Variants in NLRX1 observed in about 807,000 individuals in gnomAD.
NLRX1 encodes NOD-like receptor X1.
NLRX1 carries 67 observed loss-of-function variants against 74.2 expected under a neutral mutation model. The ratio of observed to expected loss-of-function variants is 0.90; its 90% confidence interval spans 0.74 to 1.11. NLRX1 has a LOEUF of 1.11. Among genes scored for constraint, NLRX1 ranks in the 50% least tolerant of loss-of-function variants. The pLI is 0.00. For synonymous variants in NLRX1, 506 were observed against 559.1 expected, an observed-to-expected ratio of 0.91 and a Z score of 1.34; for missense variants, 1,191 against 1,305.4, an observed-to-expected ratio of 0.91 and a Z score of 1.35.
rs538967056 is a variant in NLRX1 at position 119,181,178 on chromosome 11, CT to C, written c.2276del (p.Leu759ProfsTer33). 309 of 1,613,682 alleles carry C rather than the reference CT, an allele frequency of 1.9e-4. 2 individuals are homozygous for C. In the South Asian group the frequency reaches 3.3e-3, roughly 17 times the overall value. ...FLRARKLGLQ[L>X]NSLGPEACKD... ...GGCCACCTTCTGCTCCAGCTTGCAA[CT>C]CAACAGCCTGGGCCCTGAGGCCTGC... On this transcript the variant is annotated frameshift_variant, in exon 8 of 10. Transcript: ENST00000409109. LOFTEE classifies it high-confidence loss of function.
chr11:119,173,212 T>C lies in NLRX1; in HGVS notation c.229+223T>C. 1 of 613,836 alleles carries C rather than the reference T, an allele frequency of 1.6e-6. No homozygotes were observed. Among genetic ancestry groups the C allele is most frequent in the African/African-American group, 1.8e-5 (1 of 54,184 alleles). 38.0% of individuals were successfully genotyped at this position (613,836 alleles called of 1,614,324 possible). A position where few individuals can be genotyped will look rare whatever the true frequency, so the allele number is the denominator to read the frequency against. ...CGCTAGGAGAGCCATACCATCCCTA[T>C]GCTCAACAAAGTTGGGTCAAGCAGG... On this transcript the variant is annotated intron_variant, in intron 4 of 9. Coordinates refer to ENST00000409109, the MANE Select transcript of NLRX1 (RefSeq NM_001282144.2). This position sits in a 1 kb window ranked among gnomAD's most constrained non-coding sequence, Gnocchi z 4.0.
chr11:119,183,115 C>T lies in NLRX1; in HGVS notation c.2607-3C>T, dbSNP rs377642014. 2.3e-5 allele frequency: 37 copies of T among 1,613,372 alleles called. No individual in the cohort carries two copies. In the African/African-American group the frequency reaches 4.8e-4, roughly 21 times the overall value. The stretch of plus-strand genomic sequence containing the variant: ...ATGGCATCGACTTTCTCTCTCCTGC[C>T]AGCCTCTACTTCAATGAGCTGAGCT... On this transcript the variant is annotated splice_region_variant and splice_polypyrimidine_tract_variant and intron_variant, in intron 9 of 9. Coordinates refer to ENST00000409109, the MANE Select transcript of NLRX1 (RefSeq NM_001282144.2). This position sits in a 1 kb window ranked among gnomAD's most constrained non-coding sequence, Gnocchi z 5.7.
rs149322072 is a variant in NLRX1, at chr11:119,173,804, T to C, written c.555T>C (p.Tyr185=). The change falls in exon 5 of 10, where the codon TAT becomes TAC. Residue 185 remains tyrosine, a synonymous_variant. Transcript: ENST00000409109. This position sits in a 1 kb window ranked among gnomAD's most constrained non-coding sequence, Gnocchi z 4.0. ...LVRKMVLDWC[Y]GRLPAFELLI... Reference sequence around the variant, plus strand: ...GCAAGATGGTTCTGGACTGGTGTTATGGGCGGCTGCCGGCCTTCGAGCTGC... The same window carrying C: ...GCAAGATGGTTCTGGACTGGTGTTACGGGCGGCTGCCGGCCTTCGAGCTGC... The C allele has an allele frequency of 3.6e-5, 58 of 1,613,610 alleles. No individual in the cohort carries two copies. In the African/African-American group the frequency reaches 4.4e-4, roughly 12 times the overall value.
chr11:119,174,877 C>G lies in NLRX1; in HGVS notation c.1274C>G (p.Ala425Gly), dbSNP rs1185080412. The G allele has an allele frequency of 6.2e-7, 1 of 1,613,964 alleles. No individual in the cohort carries two copies. The highest frequency in any genetic ancestry group is 1.3e-5 in the African/African-American group (1 of 74,948). The change falls in exon 6 of 10, where the codon GCA becomes GGA. Residue 425 changes from alanine to glycine, a missense_variant. By Grantham distance (60) the Ala-to-Gly change is moderately conservative. Transcript: ENST00000409109. ...DPSNLSLMAY[A>G]ARTMGKLAYE... Reference sequence around the variant, plus strand: ...TCCAATTTGTCCCTGATGGCCTATGCAGCCCGAACCATGGGCAAGTTGGCC... The same window carrying G: ...TCCAATTTGTCCCTGATGGCCTATGGAGCCCGAACCATGGGCAAGTTGGCC...
In NLRX1 at chr11:119,173,740, T is replaced by C. The variant is rs749595900; in HGVS notation, c.491T>C (p.Leu164Pro). ...ACGRRVQTVVLYGTVGTGKST... is the reference protein window; with the variant it reads ...ACGRRVQTVVPYGTVGTGKST... ...GGGCGCCGGGTGCAGACAGTGGTGCTGTATGGGACAGTGGGCACAGGCAAG... is the reference window on the plus strand; with the variant it reads ...GGGCGCCGGGTGCAGACAGTGGTGCCGTATGGGACAGTGGGCACAGGCAAG... Residue 164 changes from leucine to proline, a missense_variant, in exon 5 of 10, where the codon CTG (leucine) becomes CCG (proline). Coordinates refer to ENST00000409109, the MANE Select transcript of NLRX1 (RefSeq NM_001282144.2). The surrounding 1 kb of genome is among the most constrained non-coding windows in gnomAD (Gnocchi z 4.0). The C allele has an allele frequency of 3.1e-6, 5 of 1,613,900 alleles. No individual in the cohort carries two copies. In the Admixed American group the frequency reaches 6.7e-5, roughly 22 times the overall value.
In NLRX1 at chr11:119,175,285, G is replaced by A. The variant is rs752902458; in HGVS notation, c.1671+11G>A. On this transcript the variant is annotated intron_variant, in intron 6 of 9. Transcript: ENST00000409109. ...TTCAACCTGATCAAGGTAACATCCC[G>A]ATCAAGGTAACCCCCCAACCTGCTC... 9 of 1,605,194 alleles carry A rather than the reference G, an allele frequency of 5.6e-6. No homozygotes were observed. Among genetic ancestry groups the A allele is most frequent in the African/African-American group, 1.3e-5 (1 of 74,846 alleles).
intron 6 of NLRX1, among the ~76,000 whole-genome samples, chr11:119,179,141 T>C (rs1948764545): frequency 6.6e-6 from 1 of 152,188 alleles, no homozygotes; most frequent in Non-Finnish European, 1.5e-5. Context: ...AGGAACTGCA[T>C]GTTGAAGATG....
rs748745248 is a variant in NLRX1, at chr11:119,172,337, T to G, written c.71-19T>G. On this transcript the variant is annotated intron_variant, in intron 2 of 9. Transcript: ENST00000409109. ...ATTGCATGGGATCTGCAGATGCTAT[T>G]TCTTCCTTCTCTCTGTAGATGATCG... is the stretch of plus-strand genomic sequence containing the variant. The G allele has an allele frequency of 6.3e-7, 1 of 1,599,598 alleles. No homozygotes were observed. Among genetic ancestry groups the G allele is most frequent in the South Asian group, 1.1e-5 (1 of 90,802 alleles).
rs1343476627 is a variant in NLRX1 at position 119,172,559 on chromosome 11, G to A, written c.140+134G>A. On this transcript the variant is annotated intron_variant, in intron 3 of 9. Coordinates refer to ENST00000409109, the MANE Select transcript of NLRX1 (RefSeq NM_001282144.2). ...TTGGTCCTTTGGGGGTGGGAGGACA[G>A]TGGCAGCTCCAAGGCCTGAGAGGAA... The A allele has an allele frequency of 1.7e-5, 12 of 697,160 alleles. No homozygotes were observed. In the East Asian group the frequency reaches 2.3e-4, roughly 13 times the overall value. The allele number at this position is 697,160 out of a possible 1,614,324, so 43.2% of individuals were successfully genotyped here.
intron 1 of NLRX1, among the ~76,000 whole-genome samples, 166 bp downstream of exon 1, chr11:119,169,468 C>T (rs1948487130): frequency 6.6e-6 from 1 of 152,190 alleles, no homozygotes; most frequent in Admixed American, 6.5e-5. Flanking sequence ...CTCTCTTAAC[C>T]CTTCCGCAGC....
At position 119,174,934 on chromosome 11, in the gene NLRX1, T is replaced by G. The variant is rs774040259; in HGVS notation, c.1331T>G (p.Phe444Cys). The G allele has an allele frequency of 1.1e-5, 17 of 1,613,862 alleles. No homozygotes were observed. The East Asian group carries it at 3.6e-4, about 34-fold the overall frequency. The change falls in exon 6 of 10, where the codon TTC becomes TGC. Residue 444 changes from phenylalanine (F) to cysteine (C), a missense_variant. Physicochemically the swap from Phe to Cys is radical, Grantham distance 205. Transcript: ENST00000409109. ...GGGGTGTCCTCCCGCAAGACCTACT[T>G]CTCTGAAGAGGATGTCTGTGGCTGC... ...YEGVSSRKTY[F>C]SEEDVCGCLE...
At chr11:119,172,522 T>C (rs2135157500) in intron 3 of NLRX1, 97 bp downstream of exon 3, 2 of 942,050 alleles carry the variant, frequency 2.1e-6, no homozygotes, top group Admixed American at 1.8e-5. Context: ...CTTGGGGACC[T>C]TGGGGAGGGG....
At chr11:119,181,143 C>T (rs371000749) in intron 7 of NLRX1, 28 bp from the exon 8 acceptor site, 7 of 1,570,038 alleles carry the variant, frequency 4.5e-6, no homozygotes, top group Non-Finnish European at 6.1e-6. Context: ...TGGTCTCTCA[C>T]CTCCCCTCTG....
chr11:119,169,480 C>T (rs1342962878), intron 1 of NLRX1, among the ~76,000 whole-genome samples, 178 bp downstream of exon 1: 1 of 152,182 alleles, frequency 6.6e-6, no homozygotes, highest in Non-Finnish European at 1.5e-5. Flanking sequence ...TTCCGCAGCC[C>T]CTGGGACGGG....
chr11:119,180,996 A>G (rs1045772735), intron 7 of NLRX1, among the ~76,000 whole-genome samples, 175 bp from the exon 8 acceptor site: 4 of 152,100 alleles, frequency 2.6e-5, no homozygotes, highest in Non-Finnish European at 4.4e-5. Flanking sequence ...AGTTGTGATC[A>G]TGCCATTGTG....
intron 8 of NLRX1, 145 bp downstream of exon 8, chr11:119,181,402 C>T (rs1291697158): frequency 1.2e-5 from 8 of 644,660 alleles, no homozygotes; most frequent in Non-Finnish European, 2.3e-5. Flanking sequence ...TCCACTTCCC[C>T]CAGGTCCACT....
chr11:119,177,169 C>A (rs1237926730), intron 6 of NLRX1, among the ~76,000 whole-genome samples: 1 of 151,948 alleles, frequency 6.6e-6, no homozygotes, highest in African/African-American at 2.4e-5. Context: ...GCAACCTCCA[C>A]CTCCCGGATT....
chr11:119,174,190 C>A, intron 5 of NLRX1, 92 bp downstream of exon 5: 1 of 1,481,582 alleles, frequency 6.7e-7, no homozygotes, highest in Non-Finnish European at 9.1e-7. Flanking sequence ...CTTCACTTCC[C>A]AGTGGTGCGA....
At chr11:119,180,382 G>A (rs1490497045) in intron 7 of NLRX1, 94 bp downstream of exon 7, 8 of 1,017,792 alleles carry the variant, frequency 7.9e-6, no homozygotes, top group South Asian at 1.7e-5. Context: ...CAGAGGTACC[G>A]ATGAGTGACC....
Sources: gnomAD v4.1 joint callset for allele counts (sites outside exome capture counted in the v4.1 genomes callset) on GRCh38, gnomAD v4.1.1 for gene constraint, Gnocchi (gnomAD v3.1) non-coding constraint, MANE v1.5 for transcripts, NCBI Gene and HGNC (gene_info 2026-07-23, HGNC 2026-07-21) for gene names.